Variants in OR10J1 observed in about 807,000 individuals in gnomAD.
The protein encoded by OR10J1 is olfactory receptor 10J1.
For synonymous variants in OR10J1, 202 were observed against 143.8 expected (o/e 1.40, Z -2.89); for missense variants, 474 against 376.6 (o/e 1.26, Z -2.14).
the OR10J1 span, among the ~76,000 whole-genome samples, chr1:159,406,656 C>T: frequency 2.0e-5 from 3 of 152,182 alleles, no homozygotes; most frequent in East Asian, 3.9e-4. Context: ...CCCTACTTGA[C>T]CATTAAAGAG....
the OR10J1 span, among the ~76,000 whole-genome samples, chr1:159,425,030 T>C: frequency 6.6e-6 from 1 of 152,110 alleles, no homozygotes. Context: ...AATTAGACTT[T>C]TCAACAATTA....
At chr1:159,415,710 T>C in the OR10J1 span, among the ~76,000 whole-genome samples, 1 of 152,066 alleles carries the variant, frequency 6.6e-6, no homozygotes, top group Non-Finnish European at 1.5e-5. Context: ...TTAAACGATA[T>C]GACTAATATT....
chr1:159,413,631 T>C, the OR10J1 span, among the ~76,000 whole-genome samples: 8 of 147,222 alleles, frequency 5.4e-5, no homozygotes, highest in African/African-American at 7.5e-5. Flanking sequence ...TAGGTCGGAA[T>C]TGAACAATGA....
chr1:159,422,028 C>T, the OR10J1 span, among the ~76,000 whole-genome samples: 19 of 152,116 alleles, frequency 1.2e-4, no homozygotes, highest in Non-Finnish European at 2.5e-4. Flanking sequence ...TGCTGCAATG[C>T]GCTGTACAGG....
At chr1:159,411,989 A>T in the OR10J1 span, among the ~76,000 whole-genome samples, 4 of 152,070 alleles carry the variant, frequency 2.6e-5, no homozygotes, top group East Asian at 3.9e-4. Context: ...TTCAGCAAAT[A>T]CTCAGGATAG....
upstream of OR10J1, among the ~76,000 whole-genome samples, chr1:159,439,541 G>A (rs1571158506): frequency 6.6e-6 from 1 of 152,158 alleles, no homozygotes; most frequent in African/African-American, 2.4e-5. Flanking sequence ...AGCATGTATG[G>A]TTATACAGTG....
At chr1:159,432,290 T>C in the OR10J1 span, 1 of 401,212 alleles carries the variant, frequency 2.5e-6, no homozygotes, top group Admixed American at 4.4e-5. Flanking sequence ...TCATCCTCTT[T>C]GTGATCTTTT....
chr1:159,424,433 A>G, the OR10J1 span, among the ~76,000 whole-genome samples: 4 of 130,998 alleles, frequency 3.1e-5, no homozygotes, highest in African/African-American at 5.0e-5. Context: ...TTAAGTATGT[A>G]TTATATATAA....
rs1655892314 is a variant in OR10J1, at chr1:159,440,225, T to C, written c.434T>C (p.Val145Ala). ...IMNKRLRIQL[V>A]LGACSIGLIV... Reference sequence around the variant, plus strand: ...AACAAGAGGCTGCGTATCCAACTTGTCCTGGGGGCCTGCAGCATTGGGCTG... The same window carrying C: ...AACAAGAGGCTGCGTATCCAACTTGCCCTGGGGGCCTGCAGCATTGGGCTG... Residue 145 changes from valine (V) to alanine (A), a missense_variant, in exon 1 of 1, where the codon GTC becomes GCC. Val to Ala is a moderately conservative substitution (Grantham distance 64). Coordinates refer to ENST00000423932, the MANE Select transcript of OR10J1 (RefSeq NM_012351.3). The C allele has an allele frequency of 3.1e-6, 5 of 1,614,152 alleles. No homozygotes were observed. Among genetic ancestry groups the C allele is most frequent in the Non-Finnish European group, 4.2e-6 (5 of 1,180,010 alleles).
At chr1:159,411,376 G>T in the OR10J1 span, among the ~76,000 whole-genome samples, 1 of 152,070 alleles carries the variant, frequency 6.6e-6, no homozygotes, top group Non-Finnish European at 1.5e-5. Flanking sequence ...ATGAATCTGG[G>T]TGCTCCTGTA....
At chr1:159,409,212 AC>A in the OR10J1 span, among the ~76,000 whole-genome samples, 2 of 152,058 alleles carry the variant, frequency 1.3e-5, no homozygotes, top group Non-Finnish European at 2.9e-5. Flanking sequence ...TGAGACTCTC[AC>A]CAGGGCATTT....
chr1:159,410,746 G>A, the OR10J1 span, among the ~76,000 whole-genome samples: 4 of 150,468 alleles, frequency 2.7e-5, no homozygotes, highest in African/African-American at 4.9e-5. Flanking sequence ...GCTAGCTTTT[G>A]AATGTGTTTG....
chr1:159,439,914 C>A lies in OR10J1; in HGVS notation c.123C>A (p.Gly41=), dbSNP rs146285820. 16 of 1,614,020 alleles carry A rather than the reference C, an allele frequency of 9.9e-6. No homozygotes were observed. The Middle Eastern group carries it at 6.6e-4, about 66-fold the overall frequency. Residue 41 remains glycine, a synonymous_variant, in exon 1 of 1, where the codon GGC becomes GGA. Coordinates refer to ENST00000423932, the MANE Select transcript of OR10J1 (RefSeq NM_012351.3). ...FLALYILTLA[G]NIIIVTIIRM... ...CACTATACATCTTAACCTTAGCAGG[C>A]AATATCATCATTGTGACCATCATCC...
chr1:159,420,960 G>C, the OR10J1 span, among the ~76,000 whole-genome samples: 2 of 152,052 alleles, frequency 1.3e-5, no homozygotes, highest in African/African-American at 4.8e-5. Flanking sequence ...GACTTGGGAA[G>C]TTTTTAATCT....
At chr1:159,416,764 T>A in the OR10J1 span, among the ~76,000 whole-genome samples, 1 of 152,076 alleles carries the variant, frequency 6.6e-6, no homozygotes, top group Non-Finnish European at 1.5e-5. Context: ...CATTACTCAT[T>A]ATAAGTGTGT....
At chr1:159,424,636 C>T in the OR10J1 span, among the ~76,000 whole-genome samples, 2 of 151,752 alleles carry the variant, frequency 1.3e-5, 1 homozygote, top group Non-Finnish European at 2.9e-5. Flanking sequence ...AAGACAATTT[C>T]TTTCAATGAT....
At chr1:159,437,595 A>C (rs544743937), upstream of OR10J1, among the ~76,000 whole-genome samples, 5 of 152,370 alleles carry the variant, frequency 3.3e-5, no homozygotes, top group South Asian at 1.0e-3. Context: ...TGTTATTTCA[A>C]CTTGAAGCAA....
chr1:159,436,713 A>AGGAACTTTAGAGTCTAAGAACAGGT (rs1344212165), upstream of OR10J1, among the ~76,000 whole-genome samples: 4 of 152,172 alleles, frequency 2.6e-5, no homozygotes, highest in African/African-American at 9.7e-5. Flanking sequence ...CCACTTGCTA[A>AGGAACTTTAGAGTCTAAGAACAGGT]GGAACTTTAG....
At chr1:159,435,671 T>C (rs375089689), upstream of OR10J1, among the ~76,000 whole-genome samples, 3 of 152,248 alleles carry the variant, frequency 2.0e-5, no homozygotes, top group Non-Finnish European at 1.5e-5. Flanking sequence ...TTGAGCCCTA[T>C]CCGGGGCCCT....
Sources: gnomAD v4.1 joint callset for allele counts (sites outside exome capture counted in the v4.1 genomes callset) on GRCh38, gnomAD v4.1.1 for gene constraint, MANE v1.5 for transcripts, NCBI Gene and HGNC (gene_info 2026-07-23, HGNC 2026-07-21) for gene names.